Variants in CD160 observed in about 807,000 individuals in gnomAD.
CD160 encodes CD160 antigen.
In CD160, 11 loss-of-function variants were observed where a neutral mutation model predicts 19.2. The ratio of observed to expected loss-of-function variants is 0.57; its 90% CI spans 0.36 to 0.95. The LOEUF is 0.95. CD160 is among the 40% of genes least tolerant of loss of function. The probability of loss-of-function intolerance (pLI) is 0.01; values close to 1 mark genes in which losing one functional copy is unlikely to be tolerated. For missense variants in CD160, 182 were observed against 213.2 expected (o/e 0.85, Z 0.91); for synonymous variants, 75 against 81.1 (o/e 0.93, Z 0.40).
chr1:145,732,986 G>T (rs587685858), intron 4 of CD160, among the ~76,000 whole-genome samples: 1 of 152,232 alleles, frequency 6.6e-6, no homozygotes, highest in East Asian at 1.9e-4. Context: ...ATATTATTTA[G>T]GAATATAATA....
At chr1:145,733,757 C>T (rs1456618407) in intron 4 of CD160, among the ~76,000 whole-genome samples, 1 of 152,094 alleles carries the variant, frequency 6.6e-6, no homozygotes, top group East Asian at 1.9e-4. Flanking sequence ...ATTTCCTCCT[C>T]CCACCTCTCA....
At chr1:145,732,709 A>G (rs1657343901) in intron 4 of CD160, among the ~76,000 whole-genome samples, 1 of 152,206 alleles carries the variant, frequency 6.6e-6, no homozygotes, top group South Asian at 2.1e-4. Context: ...GTAAAAAAAT[A>G]AAATCAGGCT....
intron 1 of CD160, among the ~76,000 whole-genome samples, chr1:145,721,636 C>T (rs587728171): frequency 2.0e-5 from 3 of 152,246 alleles, no homozygotes; most frequent in South Asian, 4.1e-4. Flanking sequence ...CTGCACCAGT[C>T]CCTTAGGAAA....
Position 145,738,477 on chromosome 1 carries a change from T to C in CD160, c.539-9T>C. On this transcript the variant is annotated splice_polypyrimidine_tract_variant and intron_variant, in intron 5 of 5. Transcript: ENST00000369288. ...TTATAAGGCAGTAATACAAACTTTC[T>C]TTCCACAGCTTTGTAAGCCTTGTGC... is the stretch of plus-strand genomic sequence containing the variant. 7.6e-7 allele frequency: 1 copy of C among 1,323,098 alleles called. No individual in the cohort carries two copies. The highest frequency in any genetic ancestry group is 2.8e-5 in the East Asian group (1 of 35,830). The allele number at this position is 1,323,098 out of a possible 1,614,324, so 82.0% of individuals were successfully genotyped here. A position where few individuals can be genotyped will look rare whatever the true frequency, so the allele number is the denominator to read the frequency against.
Position 145,730,856 on chromosome 1 carries a change from G to T in CD160, c.186G>T (p.Lys62Asn). 1 of 1,614,118 alleles carries T rather than the reference G, an allele frequency of 6.2e-7. No individual in the cohort carries two copies. Among genetic ancestry groups the T allele is most frequent in the Non-Finnish European group, 8.5e-7 (1 of 1,179,978 alleles). ...EAEGFVVFLC[K>N]DRSGDCSPET... ...AGGGGTTTGTAGTGTTTTTGTGCAA[G>T]GACAGGTCTGGAGACTGTTCTCCTG... is the stretch of plus-strand genomic sequence containing the variant. The change falls in exon 4 of 6, where the codon AAG (lysine) becomes AAT (asparagine). Residue 62 changes from lysine (K) to asparagine (N), a missense_variant. Lys to Asn is a moderately conservative substitution (Grantham distance 94, BLOSUM62 0). Transcript: ENST00000369288.
rs1657469927 is a variant in CD160 at position 145,735,986 on chromosome 1, T to C, written c.401-11T>C. 2.5e-6 allele frequency: 4 copies of C among 1,597,854 alleles called. No homozygotes were observed. Among genetic ancestry groups the C allele is most frequent in the East Asian group, 2.2e-5 (1 of 44,628 alleles). ...AACCCTCCCCTGATCCATGATTCTC[T>C]TTTGAACCAGAGACAGGGAACTACA... On this transcript the variant is annotated splice_polypyrimidine_tract_variant and intron_variant, in intron 4 of 5. Coordinates refer to ENST00000369288, the MANE Select transcript of CD160 (RefSeq NM_007053.4).
In CD160 at chr1:145,739,008, A is replaced by G. The variant is rs972029382; in HGVS notation, c.*515A>G. 6.5e-6 allele frequency: 1 copy of G among 153,928 alleles called. No individual in the cohort carries two copies. The highest frequency in any genetic ancestry group is 6.5e-5 in the Admixed American group (1 of 15,292). 9.5% of individuals were successfully genotyped at this position (153,928 alleles called of 1,614,324 possible). On this transcript the variant is annotated 3_prime_UTR_variant, in exon 6 of 6. Transcript: ENST00000369288. ...TGAGAAAATGCAGACAGACCTCAAC[A>G]TTCAACAACATCCATACAGCACTGC...
In CD160 at chr1:145,721,714, A is replaced by G. The variant is rs1000059770; in HGVS notation, c.-179+2155A>G. Among the ~76,000 whole-genome samples the G allele has an allele frequency of 1.7e-4, 26 of 151,734 alleles. No homozygotes were observed. In the East Asian group the frequency reaches 4.6e-3, roughly 27 times the overall value. ...TACCTAGTGCGGAGCCAGGACTGGA[A>G]GCCAGATCTCCTCAGCCCATTCCCC... On this transcript the variant is annotated intron_variant, in intron 1 of 5. Coordinates refer to ENST00000369288, the MANE Select transcript of CD160 (RefSeq NM_007053.4).
chr1:145,737,527 G>GTTA (rs1657545275), intron 5 of CD160: 2 of 152,230 alleles, frequency 1.3e-5, no homozygotes, highest in South Asian at 4.1e-4. Flanking sequence ...TCCTTGGTAA[G>GTTA]GATCTTCCAA....
intron 1 of CD160, among the ~76,000 whole-genome samples, chr1:145,723,285 G>C (rs1656924405): frequency 6.6e-6 from 1 of 152,102 alleles, no homozygotes. Context: ...TAATAGTACT[G>C]TATAGTTTGT....
intron 1 of CD160, among the ~76,000 whole-genome samples, chr1:145,724,072 T>G (rs587683568): frequency 7.4e-4 from 112 of 152,334 alleles, no homozygotes; most frequent in African/African-American, 2.6e-3. Flanking sequence ...CTAGAGTGAA[T>G]GATTGCACAT....
intron 5 of CD160, chr1:145,737,142 T>A (rs1382133303): frequency 1.3e-5 from 2 of 151,270 alleles, no homozygotes; most frequent in African/African-American, 2.4e-5. Context: ...ACAACTGTAG[T>A]CCCAAGCTAA....
chr1:145,722,389 C>A (rs1446474595), intron 1 of CD160, among the ~76,000 whole-genome samples: 3 of 152,114 alleles, frequency 2.0e-5, no homozygotes, highest in Non-Finnish European at 2.9e-5. Flanking sequence ...TCTGAAACAT[C>A]CTGGTCTGAC....
chr1:145,731,339 C>G (rs1657285295), intron 4 of CD160, among the ~76,000 whole-genome samples: 1 of 152,128 alleles, frequency 6.6e-6, no homozygotes, highest in Non-Finnish European at 1.5e-5. Context: ...AGAGACTTGT[C>G]CAGTGCTACT....
intron 1 of CD160, among the ~76,000 whole-genome samples, chr1:145,722,838 C>A (rs1656907357): frequency 6.6e-6 from 1 of 152,162 alleles, no homozygotes; most frequent in Non-Finnish European, 1.5e-5. Context: ...TCGTGATCTG[C>A]CCACCTCGGC....
Position 145,738,619 on chromosome 1 carries a change from T to A in CD160, c.*126T>A, listed in dbSNP as rs1365407862. 1.8e-6 allele frequency: 1 copy of A among 562,020 alleles called. No homozygotes were observed. Among genetic ancestry groups the A allele is most frequent in the East Asian group, 3.1e-5 (1 of 31,980 alleles). The allele number at this position is 562,020 out of a possible 1,614,324, so 34.8% of individuals were successfully genotyped here. On this transcript the variant is annotated 3_prime_UTR_variant, in exon 6 of 6. Coordinates refer to ENST00000369288, the MANE Select transcript of CD160 (RefSeq NM_007053.4). ...AGGGCACAGGGGAAGAGATGCTAAA[T>A]ATACCAAGAATCTGTGGAAATATAA...
At chr1:145,734,897 A>T (rs1227750927) in intron 4 of CD160, among the ~76,000 whole-genome samples, 1 of 152,156 alleles carries the variant, frequency 6.6e-6, no homozygotes, top group East Asian at 1.9e-4. Flanking sequence ...ATTTGAGATC[A>T]GGAGTTCGAG....
At position 145,730,840 on chromosome 1, in the gene CD160, T is replaced by C; in HGVS notation, c.170T>C (p.Val57Ala). The part of the protein sequence containing the change: ...WHKKEEAEGF[V>A]VFLCKDRSGD... The stretch of plus-strand genomic sequence containing the variant: ...AAGAAAGAAGAGGCTGAGGGGTTTG[T>C]AGTGTTTTTGTGCAAGGACAGGTCT... The change falls in exon 4 of 6, where the codon GTA (valine) becomes GCA (alanine). Residue 57 changes from valine (V) to alanine (A), a missense_variant. Coordinates refer to ENST00000369288, the MANE Select transcript of CD160 (RefSeq NM_007053.4). 6.2e-7 allele frequency: 1 copy of C among 1,614,180 alleles called. No homozygotes were observed. Among genetic ancestry groups the C allele is most frequent in the Non-Finnish European group, 8.5e-7 (1 of 1,179,996 alleles).
intron 4 of CD160, among the ~76,000 whole-genome samples, chr1:145,732,176 A>G (rs868977304): frequency 2.0e-5 from 3 of 149,544 alleles, no homozygotes; most frequent in Admixed American, 6.6e-5. Context: ...ATTCTGTGGG[A>G]AAAAAAAAAT....
Sources: allele counts gnomAD v4.1 joint callset (sites outside exome capture counted in the v4.1 genomes callset), GRCh38; gene constraint gnomAD v4.1.1; transcripts MANE v1.5; gene names NCBI Gene and HGNC (gene_info 2026-07-23, HGNC 2026-07-21).